Variants in PCDHA13 observed in about 807,000 individuals in gnomAD.
PCDHA13 encodes the protein protocadherin alpha 13, also known as protocadherin alpha-13.
PCDHA13 carries 54 observed loss-of-function variants against 64.8 expected under a neutral mutation model. That is an observed-to-expected ratio of 0.83 (90% CI 0.67 to 1.04). The LOEUF is 1.04. Among genes scored for constraint, PCDHA13 ranks in the 50% least tolerant of loss-of-function variants. The pLI is 0.00. For missense variants in PCDHA13, 1,248 were observed against 1,254.3 expected (o/e 0.99, Z 0.08); for synonymous variants, 587 against 564.4 (o/e 1.04, Z -0.57).
chr5:140,917,942 A>G (rs781844380), intron 1 of PCDHA13, among the ~76,000 whole-genome samples: 5 of 152,048 alleles, frequency 3.3e-5, no homozygotes, highest in African/African-American at 4.8e-5. Flanking sequence ...TAATATTGGT[A>G]GTTTGATAGG....
rs782803893 is a variant in PCDHA13, at chr5:140,927,898, C to G, written c.2394+43236C>G. 3.1e-6 allele frequency: 5 copies of G among 1,614,230 alleles called. No individual in the cohort carries two copies. In the South Asian group the frequency reaches 4.4e-5, roughly 14 times the overall value. On this transcript the variant is annotated intron_variant, in intron 1 of 3. Coordinates refer to ENST00000289272, the MANE Select transcript of PCDHA13 (RefSeq NM_018904.3). Reference sequence around the variant, plus strand: ...GGTGGAGGTGACTGACGTGAACGATCATGCCCCCGAACTGGACTTCCTGAC... The same window carrying G: ...GGTGGAGGTGACTGACGTGAACGATGATGCCCCCGAACTGGACTTCCTGAC...
At chr5:140,969,251 A>T in intron 1 of PCDHA13, 3 of 1,614,262 alleles carry the variant, frequency 1.9e-6, no homozygotes, top group Non-Finnish European at 2.5e-6. Context: ...AGTGACTGAC[A>T]GCAGGAATCT....
intron 1 of PCDHA13, among the ~76,000 whole-genome samples, chr5:140,935,347 T>C (rs886241397): frequency 1.3e-5 from 2 of 152,180 alleles, no homozygotes; most frequent in African/African-American, 4.8e-5. Flanking sequence ...ATACGTCAAA[T>C]CCCAGTTTTC....
intron 3 of PCDHA13, among the ~76,000 whole-genome samples, chr5:140,996,686 T>G (rs1447702915): frequency 2.6e-5 from 4 of 152,214 alleles, no homozygotes; most frequent in Non-Finnish European, 5.9e-5. Flanking sequence ...TGGGCTAGTA[T>G]TCTTCTGAAC....
rs112338455 is a variant in PCDHA13 at position 140,903,390 on chromosome 5, A to G, written c.2394+18728A>G. ...TATAGGGAGGATTGTGGTTACTTCT[A>G]GAAACAGTAGTGCAGTCAGGAAAAA... On this transcript the variant is annotated intron_variant, in intron 1 of 3. Coordinates refer to ENST00000289272, the MANE Select transcript of PCDHA13 (RefSeq NM_018904.3). Among the ~76,000 whole-genome samples the G allele has an allele frequency of 4.3e-3, 662 of 152,354 alleles. 6 individuals are homozygous for G. Among genetic ancestry groups the G allele is most frequent in the African/African-American group, 0.015 (618 of 41,596 alleles).
In PCDHA13 at chr5:140,882,370, C is replaced by T; in HGVS notation, c.102C>T (p.Ser34=). The T allele has an allele frequency of 6.2e-7, 1 of 1,614,220 alleles. No individual in the cohort carries two copies. The highest frequency in any genetic ancestry group is 8.5e-7 in the Non-Finnish European group (1 of 1,180,044). ...CGGGTAGTGGCCAGCTCCACTACTC[C>T]GTCCCCGAGGAAGCAAAACACGGCA... The part of the protein sequence containing the change: ...WETGSGQLHY[S]VPEEAKHGTF... The change falls in exon 1 of 4, where the codon TCC becomes TCT. Residue 34 remains serine (S), a synonymous_variant. Coordinates refer to ENST00000289272, the MANE Select transcript of PCDHA13 (RefSeq NM_018904.3).
chr5:140,982,795 ATG>A (rs60616196), intron 3 of PCDHA13, among the ~76,000 whole-genome samples: 18 of 151,504 alleles, frequency 1.2e-4, no homozygotes, highest in African/African-American at 3.2e-4. Flanking sequence ...GCATGTGTGC[ATG>A]TGTGTGTGTG....
Position 140,946,611 on chromosome 5 carries a change from AAT to A in PCDHA13, c.2395-32318_2395-32317del, listed in dbSNP as rs1554217734. On this transcript the variant is annotated intron_variant, in intron 1 of 3. Coordinates refer to ENST00000289272, the MANE Select transcript of PCDHA13 (RefSeq NM_018904.3). ...GGATGAATAGATAAAGAAAATGTGA[AAT>A]ATATATATATATATATATACAATGG... is the stretch of plus-strand genomic sequence containing the variant. 5.8e-3 allele frequency among the ~76,000 whole-genome samples: 503 copies of A among 86,618 alleles called. 18 individuals are homozygous for A. The highest frequency in any genetic ancestry group is 0.022 in the Middle Eastern group (4 of 186). The allele number at this position is 86,618 out of a possible 152,430, so 56.8% of individuals were successfully genotyped here. A position where few individuals can be genotyped will look rare whatever the true frequency, so the allele number is the denominator to read the frequency against.
At chr5:140,981,583 T>TA (rs2096939530) in intron 2 of PCDHA13, among the ~76,000 whole-genome samples, 1 of 152,098 alleles carries the variant, frequency 6.6e-6, no homozygotes, top group Non-Finnish European at 1.5e-5. Flanking sequence ...CAAAAATAAA[T>TA]AAAATAAAAC....
At chr5:140,972,691 G>A (rs1213069719) in intron 1 of PCDHA13, among the ~76,000 whole-genome samples, 3 of 137,348 alleles carry the variant, frequency 2.2e-5, no homozygotes, top group Admixed American at 1.5e-4. Flanking sequence ...TTGAGATGGA[G>A]TCTCACTCTG....
At chr5:140,987,232 A>G (rs1554248942) in intron 3 of PCDHA13, among the ~76,000 whole-genome samples, 1 of 151,894 alleles carries the variant, frequency 6.6e-6, no homozygotes, top group African/African-American at 2.4e-5. Flanking sequence ...AAAAAATAAT[A>G]AATAAAGAAA....
At chr5:141,006,328 C>CA (rs1258327155) in intron 3 of PCDHA13, among the ~76,000 whole-genome samples, 12 of 152,060 alleles carry the variant, frequency 7.9e-5, no homozygotes, top group Non-Finnish European at 1.6e-4. Flanking sequence ...TCTCCTGCCT[C>CA]AGCCTCCTGA....
chr5:141,010,202 G>A lies in PCDHA13; in HGVS notation c.*265G>A, dbSNP rs1354578914. The A allele has an allele frequency of 2.5e-5, 39 of 1,551,826 alleles. No homozygotes were observed. The highest frequency in any genetic ancestry group is 3.1e-5 in the Non-Finnish European group (36 of 1,147,058). On this transcript the variant is annotated 3_prime_UTR_variant, in exon 4 of 4. Transcript: ENST00000289272. ...CAGACCCAAGTTTCCTTTCTCCTCCGCCGCAAAGGAGAGGCTTCCCAGCCC... is the reference window on the plus strand; with the variant it reads ...CAGACCCAAGTTTCCTTTCTCCTCCACCGCAAAGGAGAGGCTTCCCAGCCC...
chr5:140,941,202 C>CTTTCTTTCTTT (rs1554213921), intron 1 of PCDHA13, among the ~76,000 whole-genome samples: 2,980 of 122,772 alleles, frequency 0.024, 108 homozygotes, highest in East Asian at 0.062. Context: ...TTTCTTTCTT[C>CTTTCTTTCTTT]CTTTCTTTCT....
intron 1 of PCDHA13, among the ~76,000 whole-genome samples, chr5:140,905,814 G>A (rs1303983123): frequency 6.6e-6 from 1 of 152,090 alleles, no homozygotes; most frequent in South Asian, 2.1e-4. Flanking sequence ...GAATTAATAG[G>A]CTAGATGTGT....
intron 1 of PCDHA13, among the ~76,000 whole-genome samples, chr5:140,970,978 A>G (rs2096449048): frequency 1.3e-5 from 2 of 152,188 alleles, no homozygotes; most frequent in African/African-American, 4.8e-5. Flanking sequence ...ATTAAGAAAA[A>G]TGGGGGAATA....
intron 1 of PCDHA13, among the ~76,000 whole-genome samples, chr5:140,969,974 A>G (rs11750201): frequency 0.017 from 2,514 of 152,228 alleles, 25 homozygotes; most frequent in Middle Eastern, 0.037. Flanking sequence ...TGATGTGGCA[A>G]CTCTTCTGTA....
intron 3 of PCDHA13, among the ~76,000 whole-genome samples, chr5:140,992,328 A>G (rs2097505285): frequency 6.6e-6 from 1 of 152,150 alleles, no homozygotes; most frequent in South Asian, 2.1e-4. Flanking sequence ...CTTTTCTAAG[A>G]GCAAAGATGG....
At chr5:140,902,203 C>CT (rs148688132) in intron 1 of PCDHA13, among the ~76,000 whole-genome samples, 2,237 of 124,430 alleles carry the variant, frequency 0.018, 39 homozygotes, top group East Asian at 0.05. Context: ...CTCTCTCTTT[C>CT]TTTTTTTTTT....
Sources: allele counts gnomAD v4.1 joint callset (sites outside exome capture counted in the v4.1 genomes callset), GRCh38; gene constraint gnomAD v4.1.1; transcripts MANE v1.5; gene names NCBI Gene and HGNC (gene_info 2026-07-23, HGNC 2026-07-21).